Variants in CSGALNACT2 observed in about 807,000 individuals in gnomAD.
The protein encoded by CSGALNACT2 is beta 4 GalNAcT-2.
In CSGALNACT2, 35 loss-of-function variants were observed where a neutral mutation model predicts 55.3. The ratio of observed to expected loss-of-function variants is 0.63; its 90% CI spans 0.48 to 0.84. CSGALNACT2 has a LOEUF of 0.84. Among genes scored for constraint, CSGALNACT2 ranks in the 40% least tolerant of loss-of-function variants. The pLI is 0.00. For synonymous variants in CSGALNACT2, 196 were observed against 224.9 expected (o/e 0.87, Z 1.15); for missense variants, 544 against 657.5 (o/e 0.83, Z 1.89).
intron 1 of CSGALNACT2, among the ~76,000 whole-genome samples, chr10:43,146,570 A>G (rs1838752836): frequency 6.6e-6 from 1 of 152,128 alleles, no homozygotes; most frequent in Non-Finnish European, 1.5e-5. Flanking sequence ...TTGACACTCA[A>G]TATTAGCCAT....
intron 6 of CSGALNACT2, among the ~76,000 whole-genome samples, chr10:43,168,660 C>A (rs1331774432): frequency 7.8e-6 from 1 of 128,684 alleles, no homozygotes; most frequent in Non-Finnish European, 1.6e-5. Context: ...CAACACTTGG[C>A]ATAGTACACA....
rs1205676310 is a variant in CSGALNACT2, at chr10:43,184,999, A to C, written c.*1457A>C. On this transcript the variant is annotated 3_prime_UTR_variant, in exon 8 of 8. Transcript: ENST00000374466. ...AGTTTTAAGTTGTGGTAGTTTAGTG[A>C]TTTTTTTAAAAGATGTGTGAAATGT... is the stretch of plus-strand genomic sequence containing the variant. 6.6e-6 allele frequency: 1 copy of C among 152,108 alleles called. No homozygotes were observed. The highest frequency in any genetic ancestry group is 2.4e-5 in the African/African-American group (1 of 41,446). The allele number at this position is 152,108 out of a possible 1,614,324, so 9.4% of individuals were successfully genotyped here. A position where few individuals can be genotyped will look rare whatever the true frequency, so the allele number is the denominator to read the frequency against.
rs371897213 is a variant in CSGALNACT2 at position 43,176,201 on chromosome 10, T to A, written c.1336+169T>A. Among the ~76,000 whole-genome samples the A allele has an allele frequency of 3.9e-5, 6 of 152,182 alleles. No individual in the cohort carries two copies. The East Asian group carries it at 7.7e-4, about 19-fold the overall frequency. On this transcript the variant is annotated intron_variant, in intron 7 of 7. Transcript: ENST00000374466. ...GGCAAAATAAGTTTATAATTAATGTTTTGAATAGGAAAAAAATGGTCATAA... is the reference window on the plus strand; with the variant it reads ...GGCAAAATAAGTTTATAATTAATGTATTGAATAGGAAAAAAATGGTCATAA...
chr10:43,165,716 C>T (rs893155660), intron 5 of CSGALNACT2, among the ~76,000 whole-genome samples: 4 of 151,842 alleles, frequency 2.6e-5, no homozygotes, highest in African/African-American at 7.3e-5. Flanking sequence ...AGAGGCTGGG[C>T]GTGGTGGTTC....
At chr10:43,170,705 T>C (rs999955005) in intron 6 of CSGALNACT2, among the ~76,000 whole-genome samples, 1 of 152,200 alleles carries the variant, frequency 6.6e-6, no homozygotes, top group Non-Finnish European at 1.5e-5. Context: ...GGGGACTCAC[T>C]TTCAAAGAAC....
rs181850949 is a variant in CSGALNACT2 at position 43,155,863 on chromosome 10, A to G, written c.661+53A>G. 3.5e-4 allele frequency: 496 copies of G among 1,400,482 alleles called. 2 individuals are homozygous for G. The highest frequency in any genetic ancestry group is 4.0e-5 in the Non-Finnish European group (40 of 1,011,774). The allele number at this position is 1,400,482 out of a possible 1,614,324, so 86.8% of individuals were successfully genotyped here. On this transcript the variant is annotated intron_variant, in intron 2 of 7. Transcript: ENST00000374466. ...TTATGTTAGTAAGACAAATGCTAGT[A>G]TTGTATGCTGGTATTGTATTGTAGT...
At position 43,155,560 on chromosome 10, in the gene CSGALNACT2, C is replaced by G. The variant is rs778439473; in HGVS notation, c.411C>G (p.Ala137=). 17 of 1,614,042 alleles carry G rather than the reference C, an allele frequency of 1.1e-5. No homozygotes were observed. The highest frequency in any genetic ancestry group is 1.3e-5 in the African/African-American group (1 of 74,904). ...QIDKAEVSIG[A]KLPSEYGVIP... The stretch of plus-strand genomic sequence containing the variant: ...ACAAAGCTGAAGTTAGCATAGGGGC[C>G]AAACTACCCAGTGAGTATGGGGTCA... Residue 137 remains alanine (A), a synonymous_variant, in exon 2 of 8, where the codon GCC becomes GCG. Coordinates refer to ENST00000374466, the MANE Select transcript of CSGALNACT2 (RefSeq NM_018590.5).
At chr10:43,179,929 C>T (rs986284935) in intron 7 of CSGALNACT2, among the ~76,000 whole-genome samples, 6 of 152,194 alleles carry the variant, frequency 3.9e-5, no homozygotes, top group Non-Finnish European at 5.9e-5. Context: ...AAGTCAGTTC[C>T]TTAGGGAAGA....
In CSGALNACT2 at chr10:43,154,951, A is replaced by G. The variant is rs1838960434; in HGVS notation, c.-199A>G. 5 of 560,984 alleles carry G rather than the reference A, an allele frequency of 8.9e-6. No homozygotes were observed. Among genetic ancestry groups the G allele is most frequent in the South Asian group, 2.5e-5 (1 of 39,574 alleles). The allele number at this position is 560,984 out of a possible 1,614,324, so 34.8% of individuals were successfully genotyped here. On this transcript the variant is annotated 5_prime_UTR_variant, in exon 2 of 8. The change creates a new upstream start codon in the 5' untranslated region. Transcript: ENST00000374466. ...TATATCAGATTGCTTTATTCTGGAT[A>G]TCATGGTAACAATACAGAAAGTATA...
At chr10:43,153,560 A>G (rs1564511977) in intron 1 of CSGALNACT2, among the ~76,000 whole-genome samples, 1 of 151,728 alleles carries the variant, frequency 6.6e-6, no homozygotes, top group African/African-American at 2.4e-5. Flanking sequence ...TTTTCTACTC[A>G]TTAAAAAAGT....
chr10:43,177,956 C>T (rs1268727672), intron 7 of CSGALNACT2, among the ~76,000 whole-genome samples: 4 of 152,172 alleles, frequency 2.6e-5, no homozygotes, highest in Non-Finnish European at 4.4e-5. Flanking sequence ...TAGTATCACC[C>T]ATGATAGTGG....
intron 7 of CSGALNACT2, among the ~76,000 whole-genome samples, chr10:43,180,106 C>T (rs970166400): frequency 2.6e-5 from 4 of 152,196 alleles, no homozygotes; most frequent in South Asian, 2.1e-4. Flanking sequence ...GTATTCTCAG[C>T]TGGCCACACC....
chr10:43,173,994 A>AAAT (rs1194236570), intron 6 of CSGALNACT2, among the ~76,000 whole-genome samples: 4 of 152,098 alleles, frequency 2.6e-5, no homozygotes, highest in Non-Finnish European at 5.9e-5. Flanking sequence ...CTCTGTCTCA[A>AAAT]AATAATAATA....
intron 7 of CSGALNACT2, among the ~76,000 whole-genome samples, chr10:43,179,322 A>G (rs1486861636): frequency 4.1e-5 from 6 of 147,970 alleles, no homozygotes; most frequent in Admixed American, 2.0e-4. Flanking sequence ...TTTTTCGAAA[A>G]CTAGACATTT....
At chr10:43,172,163 G>A (rs1055473962) in intron 6 of CSGALNACT2, among the ~76,000 whole-genome samples, 1 of 152,044 alleles carries the variant, frequency 6.6e-6, no homozygotes, top group African/African-American at 2.4e-5. Flanking sequence ...GCTACATGAT[G>A]GTAATATGCA....
chr10:43,146,185 T>G (rs1046736625), intron 1 of CSGALNACT2, among the ~76,000 whole-genome samples: 5 of 152,098 alleles, frequency 3.3e-5, no homozygotes, highest in African/African-American at 4.8e-5. Context: ...CAGTGGTGGA[T>G]CAGTACGAGT....
intron 1 of CSGALNACT2, among the ~76,000 whole-genome samples, chr10:43,143,637 T>C (rs944407363): frequency 2.0e-5 from 3 of 152,128 alleles, no homozygotes; most frequent in Admixed American, 2.0e-4. Flanking sequence ...TGAAGTGTTA[T>C]GCCCAAGATT....
rs1302378278 is a variant in CSGALNACT2 at position 43,164,317 on chromosome 10, T to G, written c.1159+273T>G. The stretch of plus-strand genomic sequence containing the variant: ...GCAGAGGAACAGGGTATCTACAAAT[T>G]GATGAGGTGGGAGCAGTGCAGGTCA... On this transcript the variant is annotated intron_variant, in intron 5 of 7. Transcript: ENST00000374466. 2.0e-5 allele frequency among the ~76,000 whole-genome samples: 3 copies of G among 152,200 alleles called. No homozygotes were observed. In the South Asian group the frequency reaches 6.2e-4, roughly 32 times the overall value.
Position 43,184,987 on chromosome 10 carries a change from G to A in CSGALNACT2, c.*1445G>A, listed in dbSNP as rs1839668088. ...ATTATTCTTACAAGTTTTAAGTTGT[G>A]GTAGTTTAGTGATTTTTTTAAAAGA... On this transcript the variant is annotated 3_prime_UTR_variant, in exon 8 of 8. Coordinates refer to ENST00000374466, the MANE Select transcript of CSGALNACT2 (RefSeq NM_018590.5). 6.6e-6 allele frequency: 1 copy of A among 151,904 alleles called. No homozygotes were observed. The highest frequency in any genetic ancestry group is 2.4e-5 in the African/African-American group (1 of 41,364). The allele number at this position is 151,904 out of a possible 1,614,324, so 9.4% of individuals were successfully genotyped here.
Sources: allele counts gnomAD v4.1 joint callset (sites outside exome capture counted in the v4.1 genomes callset), GRCh38; gene constraint gnomAD v4.1.1; transcripts MANE v1.5; gene names NCBI Gene and HGNC (gene_info 2026-07-23, HGNC 2026-07-21).